The following TBXA2R variants were observed in gnomAD, a reference collection of about 807,000 sequenced individuals.
The protein encoded by TBXA2R is thromboxane A2 receptor, also known as prostanoid TP receptor.
In TBXA2R, 15 loss-of-function variants were observed where a neutral mutation model predicts 15.6. That is an observed-to-expected ratio of 0.96 (90% CI 0.64 to 1.48). The LOEUF is 1.48. Among genes scored for constraint, TBXA2R ranks in the 40% most tolerant of loss-of-function variants. The pLI is 0.00. For missense variants in TBXA2R, 506 were observed against 491.4 expected, an observed-to-expected ratio of 1.03 and a Z score of -0.28; for synonymous variants, 280 against 241.2, an observed-to-expected ratio of 1.16 and a Z score of -1.49.
intron 2 of TBXA2R, among the ~76,000 whole-genome samples, chr19:3,596,921 T>C (rs2145286625): frequency 6.6e-6 from 1 of 151,294 alleles, no homozygotes; most frequent in African/African-American, 2.4e-5. Flanking sequence ...TATTTATCTA[T>C]AGGTCAGGAT....
intron 1 of TBXA2R, among the ~76,000 whole-genome samples, chr19:3,603,892 T>C (rs1286022157): frequency 6.6e-6 from 1 of 152,058 alleles, no homozygotes; most frequent in Non-Finnish European, 1.5e-5. Flanking sequence ...CCTCCTGCAT[T>C]GGCCAGGAGG....
intron 1 of TBXA2R, among the ~76,000 whole-genome samples, chr19:3,603,293 A>G (rs902812280): frequency 2.0e-5 from 3 of 152,192 alleles, no homozygotes; most frequent in Non-Finnish European, 4.4e-5. Context: ...CCAGCTCCTG[A>G]CAGCGGCACT....
At chr19:3,601,884 A>G (rs1788624674) in intron 1 of TBXA2R, among the ~76,000 whole-genome samples, 2 of 150,662 alleles carry the variant, frequency 1.3e-5, no homozygotes, top group South Asian at 2.1e-4. Flanking sequence ...CCGAGATCGC[A>G]CTACTGCACT....
intron 1 of TBXA2R, among the ~76,000 whole-genome samples, chr19:3,605,769 A>G (rs531317271): frequency 5.2e-4 from 78 of 151,380 alleles, no homozygotes; most frequent in African/African-American, 1.8e-3. Context: ...ACACAGATGG[A>G]AACATGACAG....
At chr19:3,596,055 G>A (rs1599869663) in intron 2 of TBXA2R, 122 bp from the exon 3 acceptor site, 2 of 1,257,668 alleles carry the variant, frequency 1.6e-6, no homozygotes, top group East Asian at 2.6e-5. Context: ...TTGAGACAGG[G>A]TCTCACTCTG....
In TBXA2R at chr19:3,600,589, T is replaced by C. The variant is rs775471553; in HGVS notation, c.46A>G (p.Asn16Asp). 5.6e-6 allele frequency: 9 copies of C among 1,612,438 alleles called. No individual in the cohort carries two copies. The highest frequency in any genetic ancestry group is 7.6e-6 in the Non-Finnish European group (9 of 1,179,604). Reference protein sequence around the residue: ...SSLGPCFRPTNITLEERRLIA... With the variant: ...SSLGPCFRPTDITLEERRLIA... ...AGCCGTCTCTCCTCCAGGGTAATGT[T>C]TGTGGGCCGGAAACAGGGCCCCAGG... The change falls in exon 2 of 3, where the codon AAC (asparagine) becomes GAC (aspartate). Residue 16 changes from asparagine to aspartate, a missense_variant. Physicochemically the swap from Asn to Asp is conservative, Grantham distance 23. Coordinates refer to ENST00000375190, the MANE Select transcript of TBXA2R (RefSeq NM_001060.6).
intron 2 of TBXA2R, among the ~76,000 whole-genome samples, chr19:3,597,189 G>A (rs890198318): frequency 1.0e-4 from 15 of 150,698 alleles, no homozygotes; most frequent in Non-Finnish European, 1.9e-4. Flanking sequence ...TGATCCACCC[G>A]CCTTAGCTTC....
Position 3,594,764 on chromosome 19 carries a change from T to C in TBXA2R, c.*924A>G, listed in dbSNP as rs2032560783. The C allele has an allele frequency of 7.3e-7, 1 of 1,377,508 alleles. No homozygotes were observed. The highest frequency in any genetic ancestry group is 9.8e-7 in the Non-Finnish European group (1 of 1,018,692). The allele number at this position is 1,377,508 out of a possible 1,614,324, so 85.3% of individuals were successfully genotyped here. A position where few individuals can be genotyped will look rare whatever the true frequency, so the allele number is the denominator to read the frequency against. ...ACAAACTCCAGAGATTGAAAACTTC[T>C]GGACCCAAAGGAAAATAAAACCAAA... On this transcript the variant is annotated 3_prime_UTR_variant, in exon 3 of 3. Transcript: ENST00000375190.
At chr19:3,605,132 C>T (rs754664220) in intron 1 of TBXA2R, among the ~76,000 whole-genome samples, 3 of 152,240 alleles carry the variant, frequency 2.0e-5, no homozygotes, top group African/African-American at 4.8e-5. Flanking sequence ...TGTTGGGGCC[C>T]TAAGTCACAT....
intron 2 of TBXA2R, among the ~76,000 whole-genome samples, chr19:3,597,371 C>A (rs995305124): frequency 6.6e-6 from 1 of 150,902 alleles, no homozygotes; most frequent in Non-Finnish European, 1.5e-5. Flanking sequence ...TGATATATAT[C>A]ATATATCATA....
rs2032685577 is a variant in TBXA2R, at chr19:3,599,932, G to A, written c.703C>T (p.Arg235Cys). The A allele has an allele frequency of 6.4e-7, 1 of 1,553,310 alleles. No individual in the cohort carries two copies. The highest frequency in any genetic ancestry group is 2.0e-5 in the Admixed American group (1 of 51,154). Residue 235 changes from arginine (R) to cysteine (C), a missense_variant, in exon 2 of 3, where the codon CGT (arginine) becomes TGT (cysteine). Transcript: ENST00000375190. ...ATCTCCACCTCGGAGTCCCGGGGACGCTGCTGGGCCGCCTCCTGCCCGTGG... is the reference window on the plus strand; with the variant it reads ...ATCTCCACCTCGGAGTCCCGGGGACACTGCTGGGCCGCCTCCTGCCCGTGG... The part of the protein sequence containing the change: ...VYHGQEAAQQ[R>C]PRDSEVEMMA...
chr19:3,595,726 G>A lies in TBXA2R; in HGVS notation c.994C>T (p.Leu332Phe), dbSNP rs1193074174. The change falls in exon 3 of 3, where the codon CTC becomes TTC. Residue 332 changes from leucine to phenylalanine, a missense_variant. Physicochemically the swap from Leu to Phe is conservative, Grantham distance 22. Transcript: ENST00000375190. ...GAGCGCTGCGTGAGCTGGGGCTGGA[G>A]GGACAGCGACCTGGGCCGGGTGCTG... ...RLSTRPRSLS[L>F]QPQLTQRSGL... The A allele has an allele frequency of 6.2e-6, 10 of 1,600,518 alleles. No homozygotes were observed. Among genetic ancestry groups the A allele is most frequent in the Non-Finnish European group, 8.5e-6 (10 of 1,174,452 alleles).
chr19:3,600,706 G>A lies in TBXA2R; in HGVS notation c.-72C>T. 1.3e-6 allele frequency: 2 copies of A among 1,545,682 alleles called. No individual in the cohort carries two copies. Among genetic ancestry groups the A allele is most frequent in the South Asian group, 1.2e-5 (1 of 86,524 alleles). On this transcript the variant is annotated 5_prime_UTR_variant, in exon 2 of 3. Coordinates refer to ENST00000375190, the MANE Select transcript of TBXA2R (RefSeq NM_001060.6). ...CTGCAGACAGGGCAGGCTGGCACTG[G>A]TTCAGGCACACCTGGGAGGCGAGAG...
rs36092560 is a variant in TBXA2R, at chr19:3,600,826, G to T, written c.-83-109C>A. The T allele has an allele frequency of 0.11, 44,167 of 400,046 alleles. 3,575 individuals are homozygous for T. The highest frequency in any genetic ancestry group is 0.32 in the African/African-American group (12,537 of 38,886). The allele number at this position is 400,046 out of a possible 1,614,324, so 24.8% of individuals were successfully genotyped here. ...TGCCCCAGCTCAAATATCCTCTCCG[G>T]TTTTTTTTTTTTTTTTTTTTGAGAC... On this transcript the variant is annotated intron_variant, in intron 1 of 2. Coordinates refer to ENST00000375190, the MANE Select transcript of TBXA2R (RefSeq NM_001060.6).
At chr19:3,605,382 C>G (rs1051154875) in intron 1 of TBXA2R, among the ~76,000 whole-genome samples, 3 of 152,194 alleles carry the variant, frequency 2.0e-5, no homozygotes, top group Non-Finnish European at 4.4e-5. Flanking sequence ...AGAAACACAG[C>G]AGACACACAG....
At position 3,600,172 on chromosome 19, in the gene TBXA2R, G is replaced by A. The variant is rs1395843607; in HGVS notation, c.463C>T (p.Leu155=). The A allele has an allele frequency of 6.3e-7, 1 of 1,598,998 alleles. No individual in the cohort carries two copies. Among genetic ancestry groups the A allele is most frequent in the Non-Finnish European group, 8.5e-7 (1 of 1,173,860 alleles). Residue 155 remains leucine (L), a synonymous_variant, in exon 2 of 3, where the codon CTG becomes TTG. Transcript: ENST00000375190. The part of the protein sequence containing the change: ...SQRRAWATVG[L]VWAAALALGL... ...AGCGCCAGCGCGGCCGCCCACACCA[G>A]CCCCACGGTGGCCCAGGCGCGGCGC... is the stretch of plus-strand genomic sequence containing the variant.
chr19:3,601,939 C>T (rs949661580), intron 1 of TBXA2R, among the ~76,000 whole-genome samples: 6 of 147,284 alleles, frequency 4.1e-5, no homozygotes, highest in Admixed American at 2.0e-4. Context: ...GAAAACAAAA[C>T]GGCCAGGTGC....
intron 2 of TBXA2R, 109 bp from the exon 3 acceptor site, chr19:3,596,042 T>C: frequency 1.4e-6 from 2 of 1,380,064 alleles, no homozygotes; most frequent in Non-Finnish European, 2.0e-6. Context: ...TTTAATTTTA[T>C]TTTTGAGACA....
intron 2 of TBXA2R, among the ~76,000 whole-genome samples, chr19:3,597,269 A>T (rs2032622067): frequency 6.6e-6 from 1 of 151,460 alleles, no homozygotes; most frequent in South Asian, 2.1e-4. Flanking sequence ...ATTTAAAAAT[A>T]TTTAAAATAA....
Sources: gnomAD v4.1 joint callset for allele counts (sites outside exome capture counted in the v4.1 genomes callset) on GRCh38, gnomAD v4.1.1 for gene constraint, MANE v1.5 for transcripts, NCBI Gene and HGNC (gene_info 2026-07-23, HGNC 2026-07-21) for gene names.